Variants in PPFIA2 observed in about 807,000 individuals in gnomAD.
PPFIA2 encodes PPFI scaffold protein A2.
Under a neutral mutation model 175.5 loss-of-function variants are expected in PPFIA2, and 46 were observed. The observed-to-expected ratio is 0.26, with a 90% CI of 0.21 to 0.34. PPFIA2 has a LOEUF of 0.34. Among genes scored for constraint, PPFIA2 ranks in the 10% least tolerant of loss-of-function variants. The pLI is 1.00. For synonymous variants in PPFIA2, 568 were observed against 511.4 expected (o/e 1.11, Z -1.49); for missense variants, 1,179 against 1,506.1 (o/e 0.78, Z 3.60).
chr12:81,484,074 G>A (rs1326387095), intron 4 of PPFIA2, among the ~76,000 whole-genome samples: 3 of 151,882 alleles, frequency 2.0e-5, no homozygotes, highest in Non-Finnish European at 4.4e-5. Context: ...AAATAATGTG[G>A]CATTACCTGG....
chr12:81,742,453 T>G (rs117650339), intron 3 of PPFIA2, among the ~76,000 whole-genome samples: 1,604 of 152,296 alleles, frequency 0.011, 22 homozygotes, highest in Non-Finnish European at 0.018. Flanking sequence ...GAGAGACTGC[T>G]GCTAGATTGC....
intron 4 of PPFIA2, among the ~76,000 whole-genome samples, chr12:81,591,112 G>T (rs758884316): frequency 1.0e-4 from 15 of 147,894 alleles, no homozygotes; most frequent in Non-Finnish European, 2.1e-4. Context: ...CTCAGATGGA[G>T]ATGAGGATCT....
intron 3 of PPFIA2, among the ~76,000 whole-genome samples, chr12:81,682,740 C>A (rs541146895): frequency 6.6e-6 from 1 of 151,984 alleles, no homozygotes; most frequent in South Asian, 2.1e-4. Context: ...CAAAATTCCC[C>A]TCTCCCACTA....
At chr12:81,358,452 A>T (rs1374129247) in intron 15 of PPFIA2, among the ~76,000 whole-genome samples, 1 of 152,136 alleles carries the variant, frequency 6.6e-6, no homozygotes, top group Non-Finnish European at 1.5e-5. Flanking sequence ...TAGAATATAC[A>T]GTGCTTATAA....
chr12:81,436,440 T>C (rs1375469582), intron 7 of PPFIA2, among the ~76,000 whole-genome samples: 1 of 151,880 alleles, frequency 6.6e-6, no homozygotes, highest in Non-Finnish European at 1.5e-5. Flanking sequence ...TTTTTTAAAC[T>C]TTTTCATGAA....
At chr12:81,642,698 A>ATGTG in intron 4 of PPFIA2, among the ~76,000 whole-genome samples, 1 of 2,838 alleles carries the variant, frequency 3.5e-4, no homozygotes, top group South Asian at 0.011. Context: ...ATATACATAC[A>ATGTG]TGTATATGTA....
At chr12:81,543,483 C>T (rs1267023467) in intron 4 of PPFIA2, among the ~76,000 whole-genome samples, 2 of 152,046 alleles carry the variant, frequency 1.3e-5, no homozygotes, top group African/African-American at 2.4e-5. Flanking sequence ...TCCATAATCA[C>T]ATAAATAAAT....
At chr12:81,731,670 G>T (rs1009329854) in intron 3 of PPFIA2, among the ~76,000 whole-genome samples, 7 of 151,536 alleles carry the variant, frequency 4.6e-5, no homozygotes, top group Non-Finnish European at 1.0e-4. Flanking sequence ...TTAATGTGAG[G>T]GTTCAGAAAA....
chr12:81,635,150 A>G (rs1363427417), intron 4 of PPFIA2, among the ~76,000 whole-genome samples: 1 of 152,206 alleles, frequency 6.6e-6, no homozygotes, highest in Non-Finnish European at 1.5e-5. Context: ...CTTTCCTTCT[A>G]GAATCTCTAC....
intron 5 of PPFIA2, among the ~76,000 whole-genome samples, chr12:81,452,304 T>C (rs1444118293): frequency 6.6e-6 from 1 of 152,202 alleles, no homozygotes; most frequent in Non-Finnish European, 1.5e-5. Context: ...TTATTTCCAA[T>C]TATAAATGGC....
At chr12:81,659,789 A>C (rs1206966257) in intron 4 of PPFIA2, among the ~76,000 whole-genome samples, 1 of 152,176 alleles carries the variant, frequency 6.6e-6, no homozygotes, top group East Asian at 1.9e-4. Flanking sequence ...GAGTAGCCTA[A>C]CTGGGAGGCA....
intron 28 of PPFIA2, among the ~76,000 whole-genome samples, chr12:81,270,202 C>T (rs2038670693): frequency 6.6e-6 from 1 of 152,172 alleles, no homozygotes; most frequent in Non-Finnish European, 1.5e-5. Flanking sequence ...GCAGATATTG[C>T]TAAGCAAATT....
intron 21 of PPFIA2, among the ~76,000 whole-genome samples, chr12:81,327,586 T>C (rs1211197848): frequency 1.3e-5 from 2 of 152,114 alleles, no homozygotes; most frequent in Non-Finnish European, 2.9e-5. Context: ...GAATGGTCCA[T>C]ATAGGGACAT....
rs1200199387 is a variant in PPFIA2, at chr12:81,750,459, A to C, written c.249+3514T>G. Among the ~76,000 whole-genome samples the C allele has an allele frequency of 1.8e-5, 2 of 108,544 alleles. 1 individual carries two copies. Among genetic ancestry groups the C allele is most frequent in the East Asian group, 6.4e-4 (2 of 3,138 alleles). 71.2% of individuals were successfully genotyped at this position (108,544 alleles called of 152,430 possible). Reference sequence around the variant, plus strand: ...ATAAGGACCCTTAAGGTGCCTAAGTAAGGAGTTAGAGCACACTTAGGTTGT... The same window carrying C: ...ATAAGGACCCTTAAGGTGCCTAAGTCAGGAGTTAGAGCACACTTAGGTTGT... On this transcript the variant is annotated intron_variant, in intron 3 of 32. Coordinates refer to ENST00000549396, the MANE Select transcript of PPFIA2 (RefSeq NM_003625.5).
chr12:81,298,050 T>C (rs1440482729), intron 23 of PPFIA2: 1 of 152,204 alleles, frequency 6.6e-6, no homozygotes, highest in East Asian at 1.9e-4. Flanking sequence ...TTCTTTTTTC[T>C]TTTTATCTGA....
intron 4 of PPFIA2, among the ~76,000 whole-genome samples, chr12:81,647,577 T>C (rs1283280900): frequency 2.0e-5 from 3 of 151,286 alleles, no homozygotes; most frequent in African/African-American, 2.4e-5. Context: ...CTGGCTAACA[T>C]GGTGAAACCC....
chr12:81,425,147 AATAC>A (rs1469451165), intron 7 of PPFIA2, among the ~76,000 whole-genome samples: 3 of 152,190 alleles, frequency 2.0e-5, no homozygotes, highest in Non-Finnish European at 4.4e-5. Context: ...GCAAGATCTC[AATAC>A]ATTTTCACTG....
intron 22 of PPFIA2, among the ~76,000 whole-genome samples, chr12:81,325,111 C>A (rs1594823577): frequency 2.0e-5 from 3 of 152,066 alleles, no homozygotes; most frequent in African/African-American, 7.2e-5. Context: ...CCAATAGATT[C>A]TGGAATAAAG....
intron 3 of PPFIA2, among the ~76,000 whole-genome samples, chr12:81,738,311 TA>T (rs1324728541): frequency 6.6e-6 from 1 of 151,868 alleles, no homozygotes; most frequent in Non-Finnish European, 1.5e-5. Context: ...CTGAAAAACT[TA>T]AACCAGAAAA....
Sources: gnomAD v4.1 joint callset for allele counts (sites outside exome capture counted in the v4.1 genomes callset) on GRCh38, gnomAD v4.1.1 for gene constraint, MANE v1.5 for transcripts, NCBI Gene and HGNC (gene_info 2026-07-23, HGNC 2026-07-21) for gene names.